Variants in PXDNL observed in about 807,000 individuals in gnomAD.
The protein encoded by PXDNL is probable oxidoreductase PXDNL.
A neutral mutation model predicts 150.8 loss-of-function variants in PXDNL; 145 were observed. The ratio of observed to expected loss-of-function variants is 0.96; its 90% CI spans 0.84 to 1.10. PXDNL has a LOEUF of 1.10. Ranked by LOEUF, PXDNL falls within the 50% of genes least tolerant of loss-of-function variation. PXDNL has a pLI of 0.00. For synonymous variants in PXDNL, 757 were observed against 725.7 expected (o/e 1.04, Z -0.69); for missense variants, 2,087 against 1,873.9 (o/e 1.11, Z -2.10).
At chr8:51,378,043 A>G (rs1241101306) in intron 17 of PXDNL, among the ~76,000 whole-genome samples, 5 of 152,236 alleles carry the variant, frequency 3.3e-5, no homozygotes, top group African/African-American at 9.6e-5. Context: ...AAATACACCA[A>G]TTAGCACTCT....
chr8:51,454,957 A>AGTATATGG (rs370863538), intron 9 of PXDNL, among the ~76,000 whole-genome samples: 1 of 142,188 alleles, frequency 7.0e-6, no homozygotes, highest in Non-Finnish European at 1.5e-5. Context: ...GGTAAGGGAA[A>AGTATATGG]AATTAGCCGG....
chr8:51,331,353 T>C (rs11776636), intron 21 of PXDNL, among the ~76,000 whole-genome samples: 4 of 152,044 alleles, frequency 2.6e-5, no homozygotes, highest in African/African-American at 9.7e-5. Context: ...CAAGCAGCCC[T>C]TTCCTGCCTG....
At position 51,674,768 on chromosome 8, in the gene PXDNL, C is replaced by T. The variant is rs115373218; in HGVS notation, c.165-20008G>A. Among the ~76,000 whole-genome samples the T allele has an allele frequency of 7.0e-3, 1,061 of 152,338 alleles. 19 individuals are homozygous for T. The highest frequency in any genetic ancestry group is 0.024 in the African/African-American group (1,008 of 41,576). On this transcript the variant is annotated intron_variant, in intron 1 of 22. Transcript: ENST00000356297. ...GCTGTGCAGCCTTCTTACACTTTGC[C>T]ATGTTAGACTGGCATGCCGCTCCTA...
chr8:51,737,816 C>T lies in PXDNL; in HGVS notation c.164+71365G>A, dbSNP rs139293463. Among the ~76,000 whole-genome samples, 313 of 151,912 alleles carry T rather than the reference C, an allele frequency of 2.1e-3. 3 individuals carry two copies. Among genetic ancestry groups the T allele is most frequent in the African/African-American group, 7.1e-3 (296 of 41,422 alleles). ...CACTGGCCCCCATTAATACTCATTG[C>T]TCCTGCTGGCATGCTTTCTATATGT... On this transcript the variant is annotated intron_variant, in intron 1 of 22. Coordinates refer to ENST00000356297, the MANE Select transcript of PXDNL (RefSeq NM_144651.5).
intron 18 of PXDNL, among the ~76,000 whole-genome samples, chr8:51,373,902 T>TA (rs1807213855): frequency 6.6e-6 from 1 of 152,246 alleles, no homozygotes; most frequent in South Asian, 2.1e-4. Flanking sequence ...CTTAGGTTTG[T>TA]ATTTCTTGGT....
chr8:51,472,036 A>G (rs1010503117), intron 8 of PXDNL, 151 bp downstream of exon 8: 1 of 559,140 alleles, frequency 1.8e-6, no homozygotes, highest in African/African-American at 1.9e-5. Context: ...AGCTTGAGTA[A>G]GTCAACAGAT....
At chr8:51,558,321 A>T (rs895779795) in intron 3 of PXDNL, among the ~76,000 whole-genome samples, 26 of 152,102 alleles carry the variant, frequency 1.7e-4, no homozygotes, top group African/African-American at 6.0e-4. Flanking sequence ...AGATAATAAT[A>T]TGCAGCAAGG....
At chr8:51,695,824 C>T (rs1816109439) in intron 1 of PXDNL, among the ~76,000 whole-genome samples, 1 of 152,226 alleles carries the variant, frequency 6.6e-6, no homozygotes. Flanking sequence ...CCTGGGGACT[C>T]TGATAATTGG....
intron 3 of PXDNL, among the ~76,000 whole-genome samples, chr8:51,571,031 A>T (rs560425153): frequency 2.6e-5 from 4 of 151,838 alleles, no homozygotes; most frequent in Admixed American, 1.3e-4. Flanking sequence ...ATTTCCAAAG[A>T]TCTTAAACAG....
Position 51,475,161 on chromosome 8 carries a change from G to A in PXDNL, c.525-20C>T. On this transcript the variant is annotated intron_variant, in intron 6 of 22. Coordinates refer to ENST00000356297, the MANE Select transcript of PXDNL (RefSeq NM_144651.5). ...AGACGCCTAGGCATGCAGGCAAGAA[G>A]TACAACTGTTAAAAGGGACTATTAA... 6.2e-7 allele frequency: 1 copy of A among 1,600,288 alleles called. No individual in the cohort carries two copies. Among genetic ancestry groups the A allele is most frequent in the Non-Finnish European group, 8.5e-7 (1 of 1,170,850 alleles).
intron 2 of PXDNL, among the ~76,000 whole-genome samples, chr8:51,634,431 T>C (rs1050801839): frequency 1.3e-5 from 2 of 152,174 alleles, no homozygotes; most frequent in African/African-American, 4.8e-5. Flanking sequence ...CTGGCTTTGC[T>C]CTTTTTGCTT....
At chr8:51,656,522 A>G (rs1815152342) in intron 1 of PXDNL, among the ~76,000 whole-genome samples, 1 of 152,184 alleles carries the variant, frequency 6.6e-6, no homozygotes, top group Non-Finnish European at 1.5e-5. Context: ...TTAAAAACAG[A>G]AGCTAAAAAT....
intron 4 of PXDNL, among the ~76,000 whole-genome samples, chr8:51,538,078 C>T (rs1812124756): frequency 6.6e-6 from 1 of 152,128 alleles, no homozygotes; most frequent in African/African-American, 2.4e-5. Flanking sequence ...GAGGTACTTA[C>T]AAATAGACGT....
chr8:51,404,914 C>T (rs546519704), intron 17 of PXDNL, among the ~76,000 whole-genome samples: 11 of 152,272 alleles, frequency 7.2e-5, no homozygotes, highest in African/African-American at 9.6e-5. Flanking sequence ...CAGGAGCCCA[C>T]GGCAAGGGTT....
At chr8:51,327,916 G>T (rs1805565767) in intron 21 of PXDNL, among the ~76,000 whole-genome samples, 1 of 152,248 alleles carries the variant, frequency 6.6e-6, no homozygotes, top group Admixed American at 6.5e-5. Context: ...ACCAAGATCT[G>T]CTTACCTGGG....
chr8:51,622,389 G>T (rs1219209751), intron 2 of PXDNL, among the ~76,000 whole-genome samples: 1 of 152,202 alleles, frequency 6.6e-6, no homozygotes, highest in East Asian at 1.9e-4. Context: ...TTAAGCCACT[G>T]TGTTTGTGGG....
chr8:51,759,164 C>T, intron 1 of PXDNL, among the ~76,000 whole-genome samples: 1 of 152,118 alleles, frequency 6.6e-6, no homozygotes, highest in East Asian at 1.9e-4. Context: ...GAAGAAGGTA[C>T]CTCATCTACT....
chr8:51,692,581 C>T (rs1816026192), intron 1 of PXDNL, among the ~76,000 whole-genome samples: 1 of 152,062 alleles, frequency 6.6e-6, no homozygotes, highest in Non-Finnish European at 1.5e-5. Context: ...GGGTGGGGGC[C>T]AAATTTCACT....
At chr8:51,368,080 A>C (rs1003442833) in intron 19 of PXDNL, among the ~76,000 whole-genome samples, 2 of 152,220 alleles carry the variant, frequency 1.3e-5, no homozygotes, top group African/African-American at 4.8e-5. Context: ...GTGAGCCAAG[A>C]TCCAAGATCA....
Sources: gnomAD v4.1 joint callset for allele counts (sites outside exome capture counted in the v4.1 genomes callset) on GRCh38, gnomAD v4.1.1 for gene constraint, MANE v1.5 for transcripts, NCBI Gene and HGNC (gene_info 2026-07-23, HGNC 2026-07-21) for gene names.